Variants in TPD52L1 observed in about 807,000 individuals in gnomAD.
The protein encoded by TPD52L1 is TPD52 like 1.
Under a neutral mutation model 28.7 loss-of-function variants are expected in TPD52L1, and 18 were observed. That is an observed-to-expected ratio of 0.63 (90% CI 0.43 to 0.93). TPD52L1 has a LOEUF of 0.93. TPD52L1 is among the 40% of genes least tolerant of loss of function. TPD52L1 has a pLI of 0.00. For missense variants in TPD52L1, 203 were observed against 254.8 expected (o/e 0.80, Z 1.39); for synonymous variants, 75 against 88.8 (o/e 0.84, Z 0.88).
At chr6:125,154,067 T>A in intron 1 of TPD52L1, 97 bp downstream of exon 1, 1 of 1,488,078 alleles carries the variant, frequency 6.7e-7, no homozygotes, top group Non-Finnish European at 9.0e-7. Flanking sequence ...CAGAACAGAT[T>A]GGTGCCGTGT....
chr6:125,204,582 C>G (rs1023602969), intron 1 of TPD52L1, among the ~76,000 whole-genome samples: 1 of 152,024 alleles, frequency 6.6e-6, no homozygotes, highest in African/African-American at 2.4e-5. Flanking sequence ...TGGGTTCACG[C>G]CATTCTCCTG....
chr6:125,230,034 T>A (rs1210419644), intron 3 of TPD52L1, among the ~76,000 whole-genome samples: 2 of 151,756 alleles, frequency 1.3e-5, no homozygotes, highest in Non-Finnish European at 2.9e-5. Flanking sequence ...TTGCAATGAG[T>A]CGAGATGGCG....
intron 1 of TPD52L1, among the ~76,000 whole-genome samples, chr6:125,195,272 C>T (rs1008501242): frequency 8.5e-5 from 13 of 152,228 alleles, no homozygotes; most frequent in Admixed American, 2.6e-4. Context: ...AGTCACTGTA[C>T]AGAACAAGAA....
chr6:125,256,016 T>G (rs1435297579), intron 5 of TPD52L1, among the ~76,000 whole-genome samples: 1 of 152,184 alleles, frequency 6.6e-6, no homozygotes, highest in Non-Finnish European at 1.5e-5. Context: ...AACAAAATTA[T>G]GTATAGATTA....
chr6:125,174,081 G>A (rs1791673981), intron 1 of TPD52L1, among the ~76,000 whole-genome samples: 1 of 152,180 alleles, frequency 6.6e-6, no homozygotes, highest in Non-Finnish European at 1.5e-5. Context: ...GAAATGGGGG[G>A]CCCTCGATGG....
chr6:125,210,028 C>T (rs977776688), intron 1 of TPD52L1, among the ~76,000 whole-genome samples: 2 of 152,012 alleles, frequency 1.3e-5, no homozygotes, highest in Non-Finnish European at 2.9e-5. Context: ...ACTCAGAGCT[C>T]TTCTTTGAAA....
At chr6:125,178,331 A>G (rs1791944231) in intron 1 of TPD52L1, among the ~76,000 whole-genome samples, 1 of 152,170 alleles carries the variant, frequency 6.6e-6, no homozygotes, top group African/African-American at 2.4e-5. Flanking sequence ...ATAAATTAGT[A>G]AAAAACATAG....
chr6:125,254,746 T>C (rs1344591974), intron 5 of TPD52L1, among the ~76,000 whole-genome samples: 2 of 152,226 alleles, frequency 1.3e-5, no homozygotes, highest in African/African-American at 4.8e-5. Context: ...AAATTCTTCC[T>C]AGGGTCATTT....
chr6:125,221,309 G>C (rs868278196), intron 2 of TPD52L1, among the ~76,000 whole-genome samples: 4 of 152,180 alleles, frequency 2.6e-5, no homozygotes, highest in African/African-American at 9.7e-5. Flanking sequence ...GTACCAGAGT[G>C]CACAGACCAA....
At chr6:125,206,021 T>A (rs949148499) in intron 1 of TPD52L1, among the ~76,000 whole-genome samples, 1 of 152,234 alleles carries the variant, frequency 6.6e-6, no homozygotes, top group African/African-American at 2.4e-5. Context: ...AAGGAATAGA[T>A]GTTTAATGTG....
intron 1 of TPD52L1, among the ~76,000 whole-genome samples, chr6:125,211,373 GC>G (rs1459003737): frequency 2.0e-5 from 3 of 151,920 alleles, no homozygotes; most frequent in African/African-American, 7.3e-5. Flanking sequence ...AAGAAAAAGT[GC>G]TGTCAATTAA....
intron 1 of TPD52L1, among the ~76,000 whole-genome samples, chr6:125,198,705 G>A (rs1217698822): frequency 2.6e-5 from 4 of 152,214 alleles, no homozygotes; most frequent in Admixed American, 2.6e-4. Flanking sequence ...AAAATTATGA[G>A]CATGCAGCTG....
At chr6:125,237,533 C>T (rs568154262) in intron 3 of TPD52L1, among the ~76,000 whole-genome samples, 292 of 152,274 alleles carry the variant, frequency 1.9e-3, no homozygotes, top group African/African-American at 6.8e-3. Flanking sequence ...TACCAAAACA[C>T]ATAAGTTTTT....
At chr6:125,252,546 G>A (rs373290271) in intron 4 of TPD52L1, 9 of 152,470 alleles carry the variant, frequency 5.9e-5, no homozygotes, top group African/African-American at 2.2e-4. Flanking sequence ...AAGCACGTAC[G>A]TATGTTAAGA....
chr6:125,214,720 A>C (rs1794747442), intron 1 of TPD52L1, among the ~76,000 whole-genome samples: 1 of 152,212 alleles, frequency 6.6e-6, no homozygotes. Flanking sequence ...CAGCTAGGAA[A>C]ATATTACATT....
At chr6:125,191,701 GGA>G (rs1312245390) in intron 1 of TPD52L1, among the ~76,000 whole-genome samples, 2 of 152,136 alleles carry the variant, frequency 1.3e-5, no homozygotes, top group Admixed American at 6.5e-5. Flanking sequence ...TATCATCTGA[GGA>G]GAGAGAGAGC....
chr6:125,202,766 C>CTTTTTTTTTTTTTTT (rs55761249), intron 1 of TPD52L1, among the ~76,000 whole-genome samples: 2 of 116,426 alleles, frequency 1.7e-5, no homozygotes, highest in African/African-American at 3.6e-5. Flanking sequence ...GGAGGTTTAT[C>CTTTTTTTTTTTTTTT]TTTTTTTTTT....
chr6:125,200,869 T>C (rs1001334027), intron 1 of TPD52L1, among the ~76,000 whole-genome samples: 1 of 152,160 alleles, frequency 6.6e-6, no homozygotes, highest in African/African-American at 2.4e-5. Context: ...ATTGTGAGGG[T>C]GGCCAACTCA....
intron 1 of TPD52L1, among the ~76,000 whole-genome samples, chr6:125,176,596 A>C (rs1340278516): frequency 1.3e-5 from 2 of 152,230 alleles, no homozygotes; most frequent in African/African-American, 4.8e-5. Context: ...CTAATACAGT[A>C]GTATAAGATC....
Sources: allele counts gnomAD v4.1 joint callset (sites outside exome capture counted in the v4.1 genomes callset), GRCh38; gene constraint gnomAD v4.1.1; transcripts MANE v1.5; gene names NCBI Gene and HGNC (gene_info 2026-07-23, HGNC 2026-07-21).